The following SATB2 variants were observed in gnomAD, a reference collection of about 807,000 sequenced individuals.
SATB2 encodes DNA-binding protein SATB2.
Under a neutral mutation model 73.4 loss-of-function variants are expected in SATB2, and 1 was observed. The observed-to-expected ratio is 0.01, with a 90% confidence interval of 0.00 to 0.06. The LOEUF (loss-of-function observed/expected upper bound fraction) is 0.06, where lower values mean the gene tolerates loss of function less well. Among genes scored for constraint, SATB2 ranks in the 10% least tolerant of loss-of-function variants. The pLI is 1.00. For synonymous variants in SATB2, 397 were observed against 367.0 expected (o/e 1.08, Z -0.93); for missense variants, 459 against 945.8 (o/e 0.49, Z 6.75).
At chr2:199,409,251 C>A (rs1228817377) in intron 3 of SATB2, among the ~76,000 whole-genome samples, 1 of 144,658 alleles carries the variant, frequency 6.9e-6, no homozygotes, top group African/African-American at 2.5e-5. Context: ...CTCACCACAA[C>A]CTCCGCCTCC....
chr2:199,386,702 GCGCGCGCGCGCGCGCACACACACACACA>G (rs1272431863), intron 3 of SATB2, among the ~76,000 whole-genome samples: 3 of 17,086 alleles, frequency 1.8e-4, no homozygotes, highest in Admixed American at 8.0e-4. Context: ...GCAAGCGCGC[GCGCGCGCGCGCGCGCACACACACACACA>G]CACACACACA....
intron 10 of SATB2, among the ~76,000 whole-genome samples, chr2:199,306,882 T>G (rs1048399914): frequency 1.3e-5 from 2 of 152,248 alleles, no homozygotes; most frequent in Non-Finnish European, 1.5e-5. Flanking sequence ...CAAATTTCTC[T>G]AAGTTTCCAA....
chr2:199,394,615 A>G (rs533103337), intron 3 of SATB2, among the ~76,000 whole-genome samples: 20 of 152,252 alleles, frequency 1.3e-4, no homozygotes, highest in African/African-American at 4.8e-4. Flanking sequence ...CAACATAAAG[A>G]GAAGCCCTGT....
chr2:199,448,512 T>C (rs12616011), intron 2 of SATB2, among the ~76,000 whole-genome samples: 29,563 of 152,142 alleles, frequency 0.19, 3,257 homozygotes, highest in South Asian at 0.36. Flanking sequence ...GAAAAAGATA[T>C]ATGTGGTTAA....
intron 3 of SATB2, among the ~76,000 whole-genome samples, chr2:199,382,649 T>A (rs1421217073): frequency 6.6e-6 from 1 of 152,146 alleles, no homozygotes; most frequent in Non-Finnish European, 1.5e-5. Context: ...AACTTATTCA[T>A]AAGATAGGCC....
At chr2:199,311,529 T>C (rs556438421) in intron 9 of SATB2, among the ~76,000 whole-genome samples, 1 of 152,244 alleles carries the variant, frequency 6.6e-6, no homozygotes, top group Non-Finnish European at 1.5e-5. Flanking sequence ...TCAAGAGCCT[T>C]ATAGTAGCAC....
At chr2:199,281,653 C>G (rs796825224) in intron 10 of SATB2, among the ~76,000 whole-genome samples, 23 of 152,166 alleles carry the variant, frequency 1.5e-4, no homozygotes, top group African/African-American at 5.5e-4. Flanking sequence ...CCTAGCTCTA[C>G]CCTCTAATAT....
At chr2:199,383,127 T>G (rs990121402) in intron 3 of SATB2, among the ~76,000 whole-genome samples, 2 of 152,206 alleles carry the variant, frequency 1.3e-5, no homozygotes, top group East Asian at 3.8e-4. Flanking sequence ...TATTAAGATT[T>G]AACAATCTGG....
intron 5 of SATB2, among the ~76,000 whole-genome samples, chr2:199,378,975 A>C (rs1689684193): frequency 6.6e-6 from 1 of 152,188 alleles, no homozygotes; most frequent in African/African-American, 2.4e-5. Flanking sequence ...CCTGGAACAA[A>C]GCTCATGGCA....
intron 6 of SATB2, among the ~76,000 whole-genome samples, chr2:199,358,749 T>C (rs546662719): frequency 6.6e-6 from 1 of 152,152 alleles, no homozygotes; most frequent in South Asian, 2.1e-4. Flanking sequence ...CACAGAAACA[T>C]ATATCCACCA....
At chr2:199,303,405 G>A (rs966978275) in intron 10 of SATB2, among the ~76,000 whole-genome samples, 2 of 152,138 alleles carry the variant, frequency 1.3e-5, no homozygotes, top group African/African-American at 4.8e-5. Flanking sequence ...AGATGAAGGA[G>A]AAGCAGCAGC....
chr2:199,316,627 T>C (rs1347931476), intron 9 of SATB2, among the ~76,000 whole-genome samples: 5 of 152,196 alleles, frequency 3.3e-5, no homozygotes, highest in Middle Eastern at 3.4e-3. Flanking sequence ...TTGAGAGTAA[T>C]GAAAATTTTA....
chr2:199,468,458 G>A (rs148732953), upstream of SATB2, among the ~76,000 whole-genome samples: 277 of 152,222 alleles, frequency 1.8e-3, 1 homozygote, highest in African/African-American at 6.4e-3. Context: ...CAGGGCCTTC[G>A]CTTTGGGCCT....
chr2:199,376,622 C>T (rs1007872156), intron 5 of SATB2, among the ~76,000 whole-genome samples: 1 of 152,090 alleles, frequency 6.6e-6, no homozygotes, highest in Non-Finnish European at 1.5e-5. Flanking sequence ...CAGCTACATA[C>T]AAAATATATA....
intron 3 of SATB2, among the ~76,000 whole-genome samples, chr2:199,410,469 G>A (rs1383132550): frequency 6.6e-6 from 1 of 152,182 alleles, no homozygotes; most frequent in Non-Finnish European, 1.5e-5. Context: ...AATTAGAACA[G>A]GAGTACATTT....
chr2:199,335,269 G>A (rs1688305320), intron 7 of SATB2, among the ~76,000 whole-genome samples: 1 of 152,106 alleles, frequency 6.6e-6, no homozygotes, highest in Non-Finnish European at 1.5e-5. Context: ...GGATGGGGTG[G>A]ATAGAATTGA....
In SATB2 at chr2:199,272,811, G is replaced by A; in HGVS notation, c.1741-139C>T. 1.3e-6 allele frequency: 1 copy of A among 796,470 alleles called. No homozygotes were observed. The highest frequency in any genetic ancestry group is 2.1e-6 in the Non-Finnish European group (1 of 479,108). 49.3% of individuals were successfully genotyped at this position (796,470 alleles called of 1,614,324 possible). A position where few individuals can be genotyped will look rare whatever the true frequency, so the allele number is the denominator to read the frequency against. On this transcript the variant is annotated intron_variant, in intron 10 of 10. Coordinates refer to ENST00000417098, the MANE Select transcript of SATB2 (RefSeq NM_001172509.2). This position sits in a 1 kb window ranked among gnomAD's most constrained non-coding sequence, Gnocchi z 6.7. ...ATTTGTAAAGTCAGGTCTTTGGAAA[G>A]CTTAAAAGCATTTCTGGACATTTAG...
intron 9 of SATB2, among the ~76,000 whole-genome samples, chr2:199,313,672 T>C (rs1169153824): frequency 3.9e-5 from 6 of 152,350 alleles, no homozygotes; most frequent in Non-Finnish European, 7.3e-5. Flanking sequence ...GCAAATCACA[T>C]TGTAAATGTA....
intron 8 of SATB2, among the ~76,000 whole-genome samples, chr2:199,324,271 C>T (rs1431960733): frequency 6.6e-6 from 1 of 152,102 alleles, no homozygotes; most frequent in Non-Finnish European, 1.5e-5. Context: ...GCAGAACACA[C>T]ACACAGTTAA....
Sources: allele counts gnomAD v4.1 joint callset (sites outside exome capture counted in the v4.1 genomes callset), GRCh38; gene constraint gnomAD v4.1.1; non-coding constraint Gnocchi (gnomAD v3.1); transcripts MANE v1.5; gene names NCBI Gene and HGNC (gene_info 2026-07-23, HGNC 2026-07-21).